The following COLEC12 variants were observed in gnomAD, a reference collection of about 807,000 sequenced individuals.
COLEC12 encodes the protein collectin subfamily member 12.
Under a neutral mutation model 71.1 loss-of-function variants are expected in COLEC12, and 33 were observed. The observed-to-expected ratio is 0.46, with a 90% confidence interval of 0.35 to 0.62. The LOEUF (loss-of-function observed/expected upper bound fraction) is 0.62. Among genes scored for constraint, COLEC12 ranks in the 20% least tolerant of loss-of-function variants. The probability of loss-of-function intolerance (pLI) is 0.00; values close to 1 mark genes in which losing one functional copy is unlikely to be tolerated. For synonymous variants in COLEC12, 350 were observed against 353.0 expected, an observed-to-expected ratio of 0.99 and a Z score of 0.10; for missense variants, 765 against 916.1, an observed-to-expected ratio of 0.84 and a Z score of 2.13.
chr18:460,822 A>G lies in COLEC12; in HGVS notation c.58+19885T>C, dbSNP rs1916969124. Among the ~76,000 whole-genome samples, 3 of 152,220 alleles carry G rather than the reference A, an allele frequency of 2.0e-5. No homozygotes were observed. The South Asian group carries it at 6.2e-4, about 32-fold the overall frequency. ...GTCACTCTCCTGGGTTATACAACAT[A>G]GATGGGCATTATCTCAGGCCAGCCC... On this transcript the variant is annotated intron_variant, in intron 2 of 9. Coordinates refer to ENST00000400256, the MANE Select transcript of COLEC12 (RefSeq NM_130386.3).
intron 2 of COLEC12, among the ~76,000 whole-genome samples, chr18:368,792 G>C (rs934137597): frequency 6.6e-6 from 1 of 152,182 alleles, no homozygotes; most frequent in Non-Finnish European, 1.5e-5. Flanking sequence ...CGTGAACCCG[G>C]GAGGCGGAGC....
At chr18:345,014 G>A (rs1182723347) in intron 5 of COLEC12, among the ~76,000 whole-genome samples, 2 of 152,204 alleles carry the variant, frequency 1.3e-5, no homozygotes, top group Admixed American at 6.5e-5. Context: ...CTTTACCCTT[G>A]ATTATTAGAC....
intron 2 of COLEC12, among the ~76,000 whole-genome samples, chr18:470,071 A>C (rs116595560): frequency 0.011 from 1,704 of 152,294 alleles, 34 homozygotes; most frequent in African/African-American, 0.038. Flanking sequence ...TATTTCCAAA[A>C]GCAATTCAAT....
Position 347,255 on chromosome 18 carries a change from G to A in COLEC12, c.367C>T (p.Arg123Cys), listed in dbSNP as rs905694157. The change falls in exon 5 of 10, where the codon CGT becomes TGT. Residue 123 changes from arginine to cysteine, a missense_variant. Arg to Cys is a radical substitution (Grantham distance 180). Transcript: ENST00000400256. ...TTGCTGGTTTTTTCTGTAATCTCAC[G>A]AAGTTGCTGACGGAGATCTAGAATG... ...SDILDLRQQL[R>C]EITEKTSKNK... The A allele has an allele frequency of 3.1e-6, 5 of 1,613,978 alleles. No homozygotes were observed. Among genetic ancestry groups the A allele is most frequent in the Admixed American group, 3.3e-5 (2 of 59,994 alleles).
chr18:374,351 A>AT (rs552065466), intron 2 of COLEC12, among the ~76,000 whole-genome samples: 28 of 152,172 alleles, frequency 1.8e-4, no homozygotes, highest in Admixed American at 4.6e-4. Context: ...AAATACATAC[A>AT]TTTTTTCACG....
At chr18:446,254 ATGTG>A (rs751086298) in intron 2 of COLEC12, among the ~76,000 whole-genome samples, 3 of 115,326 alleles carry the variant, frequency 2.6e-5, no homozygotes, top group East Asian at 4.7e-4. Context: ...GTATATATAT[ATGTG>A]TGTGTGTGTG....
At chr18:354,165 C>G (rs17451832) in intron 3 of COLEC12, among the ~76,000 whole-genome samples, 30,869 of 152,192 alleles carry the variant, frequency 0.2, 3,595 homozygotes, top group Middle Eastern at 0.36. Context: ...GAGATGACTC[C>G]TGCTATGGAA....
chr18:361,696 T>C (rs1025938079), intron 2 of COLEC12, among the ~76,000 whole-genome samples: 1 of 152,070 alleles, frequency 6.6e-6, no homozygotes, highest in Non-Finnish European at 1.5e-5. Context: ...AACATATAGG[T>C]AGACCCACAG....
At chr18:376,052 G>T (rs1915106357) in intron 2 of COLEC12, among the ~76,000 whole-genome samples, 1 of 152,184 alleles carries the variant, frequency 6.6e-6, no homozygotes, top group East Asian at 1.9e-4. Flanking sequence ...GACTGGCAGA[G>T]AGAGGATTCA....
chr18:411,749 T>C (rs1474824043), intron 2 of COLEC12, among the ~76,000 whole-genome samples: 1 of 151,848 alleles, frequency 6.6e-6, no homozygotes, highest in Admixed American at 6.6e-5. Flanking sequence ...TACAAAAAAA[T>C]ACAAAGATTA....
At chr18:441,184 C>G (rs1329229571) in intron 2 of COLEC12, among the ~76,000 whole-genome samples, 2 of 149,158 alleles carry the variant, frequency 1.3e-5, no homozygotes, top group African/African-American at 2.5e-5. Flanking sequence ...GGAGGCGGAG[C>G]TTGCAGTGAG....
At chr18:328,453 A>T (rs1181889279) in intron 8 of COLEC12, among the ~76,000 whole-genome samples, 1 of 152,156 alleles carries the variant, frequency 6.6e-6, no homozygotes, top group Admixed American at 6.5e-5. Flanking sequence ...CTTGAGTGAG[A>T]CACTGTGTGG....
Position 331,763 on chromosome 18 carries a change from T to A in COLEC12, c.1968A>T (p.Lys656Asn), listed in dbSNP as rs745547371. Reference sequence around the variant, plus strand: ...AGTGGCTCTCTCTCCCTACCATCTGTTTTTTTATCCATTGCTGAAAAACAA... The same window carrying A: ...AGTGGCTCTCTCTCCCTACCATCTGATTTTTTATCCATTGCTGAAAAACAA... ...NTREEQQWIK[K>N]QMVGRESHWI... Residue 656 changes from lysine (K) to asparagine (N), a missense_variant, in exon 8 of 10, where the codon AAA becomes AAT. Lys to Asn is a moderately conservative substitution (Grantham distance 94). Transcript: ENST00000400256. 6.2e-7 allele frequency: 1 copy of A among 1,611,834 alleles called. No individual in the cohort carries two copies. Among genetic ancestry groups the A allele is most frequent in the African/African-American group, 1.3e-5 (1 of 74,890 alleles).
intron 2 of COLEC12, among the ~76,000 whole-genome samples, chr18:411,691 G>A (rs1233280461): frequency 1.3e-5 from 2 of 152,344 alleles, no homozygotes; most frequent in South Asian, 2.1e-4. Flanking sequence ...GATCGCTTGA[G>A]CCCAGACATC....
In COLEC12 at chr18:405,334, AG is replaced by A. The variant is rs372072994; in HGVS notation, c.59-47813del. On this transcript the variant is annotated intron_variant, in intron 2 of 9. Transcript: ENST00000400256. ...ATGTGATCTTTGTTAGATGCTTATTAGTTCTGCTTTTTGCCCTTTGAAGCGT... is the reference window on the plus strand; with the variant it reads ...ATGTGATCTTTGTTAGATGCTTATTATTCTGCTTTTTGCCCTTTGAAGCGT... Among the ~76,000 whole-genome samples, 768 of 152,146 alleles carry A rather than the reference AG, an allele frequency of 5.0e-3. 5 individuals are homozygous for A. The highest frequency in any genetic ancestry group is 8.0e-3 in the Non-Finnish European group (544 of 67,990).
At chr18:343,735 A>G (rs1914309931) in intron 5 of COLEC12, among the ~76,000 whole-genome samples, 1 of 152,108 alleles carries the variant, frequency 6.6e-6, no homozygotes, top group Non-Finnish European at 1.5e-5. Flanking sequence ...CTCGGATTCC[A>G]CTGAGCTACT....
intron 2 of COLEC12, among the ~76,000 whole-genome samples, chr18:431,041 G>A (rs1159278171): frequency 2.6e-5 from 4 of 151,980 alleles, no homozygotes; most frequent in Non-Finnish European, 4.4e-5. Context: ...TGCCCAGGCT[G>A]GAGTGCAGTG....
chr18:367,544 G>A (rs1202820608), intron 2 of COLEC12, among the ~76,000 whole-genome samples: 2 of 152,198 alleles, frequency 1.3e-5, no homozygotes, highest in African/African-American at 4.8e-5. Context: ...AGCCAAGACA[G>A]AGCAGGAGAC....
Position 347,025 on chromosome 18 carries a change from A to T in COLEC12, c.597T>A (p.His199Gln). The T allele has an allele frequency of 6.2e-7, 1 of 1,614,214 alleles. No homozygotes were observed. Among genetic ancestry groups the T allele is most frequent in the South Asian group, 1.1e-5 (1 of 91,078 alleles). Residue 199 changes from histidine to glutamine, a missense_variant, in exon 5 of 10, where the codon CAT (histidine) becomes CAA (glutamine). By Grantham distance (24) the His-to-Gln change is conservative. Coordinates refer to ENST00000400256, the MANE Select transcript of COLEC12 (RefSeq NM_130386.3). ...TGTTGAGGTTCATGATGACCACATTATGAGAATACATTTGGTTCTGCAGAT... is the reference window on the plus strand; with the variant it reads ...TGTTGAGGTTCATGATGACCACATTTTGAGAATACATTTGGTTCTGCAGAT... ...QGNLQNQMYS[H>Q]NVVIMNLNNL...
Sources: allele counts gnomAD v4.1 joint callset (sites outside exome capture counted in the v4.1 genomes callset), GRCh38; gene constraint gnomAD v4.1.1; transcripts MANE v1.5; gene names NCBI Gene and HGNC (gene_info 2026-07-23, HGNC 2026-07-21).